Variants in KLF8 observed in about 807,000 individuals in gnomAD.
KLF8 encodes KLF transcription factor 8.
Under a neutral mutation model 18.2 loss-of-function variants are expected in KLF8, and 10 were observed. That is an observed-to-expected ratio of 0.55 (90% CI 0.34 to 0.93). KLF8 has a LOEUF of 0.93. Among genes scored for constraint, KLF8 ranks in the 40% least tolerant of loss-of-function variants. KLF8 has a pLI of 0.02. For synonymous variants in KLF8, 109 were observed against 97.3 expected (o/e 1.12, Z -0.71); for missense variants, 264 against 277.9 (o/e 0.95, Z 0.36).
chrX:56,065,932 G>A, the KLF8 span, among the ~76,000 whole-genome samples: 1 of 111,782 alleles, frequency 8.9e-6, no homozygotes, highest in East Asian at 2.8e-4. Context: ...CAATGTGGCA[G>A]CAGTGGATTT....
the KLF8 span, among the ~76,000 whole-genome samples, chrX:56,211,499 T>A: frequency 1.8e-5 from 2 of 111,901 alleles, no homozygotes; most frequent in African/African-American, 3.3e-5. Context: ...CAGCACTGGG[T>A]CTTGCCCAAG....
the KLF8 span, among the ~76,000 whole-genome samples, chrX:56,083,385 A>G: frequency 8.9e-6 from 1 of 112,063 alleles, no homozygotes; most frequent in African/African-American, 3.2e-5. Context: ...TTAAGCCCTT[A>G]TGTTTAACAA....
the KLF8 span, among the ~76,000 whole-genome samples, chrX:55,940,277 C>T: frequency 9.0e-6 from 1 of 111,608 alleles, no homozygotes; most frequent in African/African-American, 3.3e-5. Flanking sequence ...AGACAAAAAC[C>T]ACATGATTAT....
the KLF8 span, among the ~76,000 whole-genome samples, chrX:56,058,267 T>TACATATATATACGTATATATAC: frequency 1.4e-3 from 38 of 27,121 alleles, 1 homozygote; most frequent in African/African-American, 5.7e-3. Context: ...CACATATATA[T>TACATATATATACGTATATATAC]ACATATATAT....
the KLF8 span, among the ~76,000 whole-genome samples, chrX:56,076,868 G>C: frequency 8.9e-6 from 1 of 112,135 alleles, no homozygotes; most frequent in Non-Finnish European, 1.9e-5. Context: ...CTGTGGTTTT[G>C]ATTTGCATTT....
At chrX:56,221,754 G>A in the KLF8 span, among the ~76,000 whole-genome samples, 2 of 111,680 alleles carry the variant, frequency 1.8e-5, no homozygotes, top group African/African-American at 6.5e-5. Context: ...AGCTCATAAA[G>A]GCAGTGTGGA....
At chrX:56,101,719 C>A in the KLF8 span, among the ~76,000 whole-genome samples, 1 of 112,053 alleles carries the variant, frequency 8.9e-6, no homozygotes, top group Non-Finnish European at 1.9e-5. Flanking sequence ...AACATTTTTT[C>A]TTATGCTTCT....
intron 1 of KLF8, among the ~76,000 whole-genome samples, chrX:56,243,639 G>A (rs1212702590): frequency 2.0e-5 from 2 of 102,155 alleles, no homozygotes; most frequent in Admixed American, 1.1e-4. Context: ...CCTGTGAAGC[G>A]ATTCTCTTGC....
the KLF8 span, among the ~76,000 whole-genome samples, chrX:55,912,378 G>C: frequency 9.0e-6 from 1 of 110,995 alleles, no homozygotes; most frequent in African/African-American, 3.3e-5. Context: ...GGTGGAGAAG[G>C]AATATGCCTG....
chrX:56,008,421 G>A, the KLF8 span, among the ~76,000 whole-genome samples: 22 of 111,491 alleles, frequency 2.0e-4, 1 homozygote, highest in African/African-American at 7.2e-4. Context: ...CGGGAGCCAC[G>A]TGGGGCAAGG....
At chrX:56,238,673 G>A (rs750916030) in intron 1 of KLF8, among the ~76,000 whole-genome samples, 7 of 111,599 alleles carry the variant, frequency 6.3e-5, no homozygotes, top group African/African-American at 2.0e-4. Context: ...CCCTAGTCTA[G>A]ATATTGAGAT....
At chrX:55,991,536 G>A in the KLF8 span, among the ~76,000 whole-genome samples, 1 of 111,589 alleles carries the variant, frequency 9.0e-6, no homozygotes, top group African/African-American at 3.3e-5. Flanking sequence ...ACACTCCCTA[G>A]TGAGATGAAG....
chrX:55,991,429 T>C, the KLF8 span, among the ~76,000 whole-genome samples: 1 of 112,052 alleles, frequency 8.9e-6, no homozygotes, highest in African/African-American at 3.2e-5. Flanking sequence ...GGAAAGGGAA[T>C]TCCGTGACCC....
chrX:56,283,826 T>C (rs1360158937), intron 5 of KLF8, among the ~76,000 whole-genome samples: 2 of 111,936 alleles, frequency 1.8e-5, no homozygotes, highest in Non-Finnish European at 3.8e-5. Context: ...TTTTATCCTT[T>C]AGAGATGAGA....
the KLF8 span, among the ~76,000 whole-genome samples, chrX:56,083,189 A>G: frequency 8.9e-6 from 1 of 111,932 alleles, no homozygotes; most frequent in Admixed American, 9.5e-5. Context: ...TAAGTCCCTA[A>G]GGCTCTGTTT....
intron 1 of KLF8, among the ~76,000 whole-genome samples, chrX:56,242,271 A>C (rs1328993218): frequency 1.8e-5 from 2 of 112,328 alleles, no homozygotes; most frequent in Non-Finnish European, 3.8e-5. Flanking sequence ...ACTGGAGGCT[A>C]TGCAGGTGAT....
At chrX:55,989,861 A>C in the KLF8 span, among the ~76,000 whole-genome samples, 6 of 111,315 alleles carry the variant, frequency 5.4e-5, no homozygotes, top group South Asian at 3.9e-4. Flanking sequence ...TAAGCTATTA[A>C]TTATTGCCTC....
the KLF8 span, among the ~76,000 whole-genome samples, chrX:55,990,285 G>T: frequency 9.0e-6 from 1 of 111,458 alleles, no homozygotes; most frequent in African/African-American, 3.3e-5. Context: ...TCTTTTAATT[G>T]TGATGTTAGG....
At chrX:56,220,938 T>C in the KLF8 span, among the ~76,000 whole-genome samples, 1 of 112,984 alleles carries the variant, frequency 8.9e-6, no homozygotes, top group Non-Finnish European at 1.9e-5. Context: ...ACAATTCTCA[T>C]GTTTTTATTC....
Sources: allele counts gnomAD v4.1 joint callset (sites outside exome capture counted in the v4.1 genomes callset), GRCh38; gene constraint gnomAD v4.1.1; transcripts MANE v1.5; gene names NCBI Gene and HGNC (gene_info 2026-07-23, HGNC 2026-07-21).